The following HIF1A variants were observed in gnomAD, a reference collection of about 807,000 sequenced individuals.
HIF1A encodes the protein hypoxia inducible factor 1 subunit alpha, also known as hypoxia-inducible factor 1-alpha.
In HIF1A, 24 loss-of-function variants were observed where a neutral mutation model predicts 92.7. The ratio of observed to expected loss-of-function variants is 0.26; its 90% confidence interval spans 0.19 to 0.36. The LOEUF (loss-of-function observed/expected upper bound fraction) is 0.36, where lower values mean the gene tolerates loss of function less well. HIF1A is among the 10% of genes least tolerant of loss of function. HIF1A has a pLI of 1.00. For synonymous variants in HIF1A, 319 were observed against 338.7 expected (o/e 0.94, Z 0.64); for missense variants, 799 against 998.5 (o/e 0.80, Z 2.69).
intron 1 of HIF1A, among the ~76,000 whole-genome samples, chr14:61,707,415 C>T (rs2044252067): frequency 6.6e-6 from 1 of 152,120 alleles, no homozygotes; most frequent in East Asian, 1.9e-4. Context: ...AGTAACTCGT[C>T]ATTTAACATT....
rs140911001 is a variant in HIF1A, at chr14:61,720,113, T to C, written c.36-269T>C. Among the ~76,000 whole-genome samples the C allele has an allele frequency of 2.4e-3, 367 of 152,320 alleles. 5 individuals carry two copies. The East Asian group carries it at 0.026, about 11-fold the overall frequency. On this transcript the variant is annotated intron_variant, in intron 1 of 14. Transcript: ENST00000337138. The stretch of plus-strand genomic sequence containing the variant: ...TAAAAACATTCTCTCCAATTACATA[T>C]GCTGGGGAGGAAACACCTGCTTCCG...
chr14:61,735,488 A>G (rs891734614), intron 8 of HIF1A, among the ~76,000 whole-genome samples: 3 of 152,188 alleles, frequency 2.0e-5, no homozygotes, highest in African/African-American at 7.2e-5. Flanking sequence ...TCAGCTTGTT[A>G]GCTTCTCAGT....
intron 7 of HIF1A, among the ~76,000 whole-genome samples, chr14:61,732,809 C>G (rs568582935): frequency 1.3e-5 from 2 of 152,254 alleles, no homozygotes; most frequent in East Asian, 3.9e-4. Context: ...TTTCAGAATT[C>G]ACATAAATAC....
chr14:61,727,742 G>C, intron 6 of HIF1A, 87 bp downstream of exon 6: 1 of 1,002,236 alleles, frequency 1.0e-6, no homozygotes, highest in Non-Finnish European at 1.5e-6. Flanking sequence ...TTCAGCGCTG[G>C]CCATGCATGG....
intron 1 of HIF1A, among the ~76,000 whole-genome samples, chr14:61,700,943 G>C (rs2044170323): frequency 6.6e-6 from 1 of 152,184 alleles, no homozygotes; most frequent in Non-Finnish European, 1.5e-5. Flanking sequence ...TTTGCCAGTG[G>C]AAGCTTTAAC....
intron 12 of HIF1A, among the ~76,000 whole-genome samples, chr14:61,742,885 C>CAAA (rs766112676): frequency 0.016 from 258 of 16,568 alleles, 7 homozygotes; most frequent in African/African-American, 0.029. Context: ...AACTCGGTTT[C>CAAA]AAAAAAAAAA....
chr14:61,736,601 A>G (rs185521064), intron 8 of HIF1A, among the ~76,000 whole-genome samples: 9 of 152,332 alleles, frequency 5.9e-5, no homozygotes, highest in African/African-American at 7.2e-5. Flanking sequence ...TTCCTGGGTT[A>G]TCTCACTTAG....
chr14:61,720,575 G>A lies in HIF1A; in HGVS notation c.226+3G>A. The A allele has an allele frequency of 6.3e-7, 1 of 1,585,204 alleles. No homozygotes were observed. ...TGTGAGGAAACTTCTGGATGCTGGT[G>A]AGTTATTTTACAAGGGTATAAATAG... is the stretch of plus-strand genomic sequence containing the variant. On this transcript the variant is annotated splice_donor_region_variant and intron_variant, in intron 2 of 14. Coordinates refer to ENST00000337138, the MANE Select transcript of HIF1A (RefSeq NM_001530.4).
chr14:61,736,328 A>T (rs1356947304), intron 8 of HIF1A, among the ~76,000 whole-genome samples: 1 of 150,776 alleles, frequency 6.6e-6, no homozygotes, highest in Non-Finnish European at 1.5e-5. Flanking sequence ...TGTACTGGGG[A>T]TTTTTTTTTT....
At position 61,742,885 on chromosome 14, in the gene HIF1A, CAAAAAAAA is replaced by C. The variant is rs766112676; in HGVS notation, c.2093+1712_2093+1719del. On this transcript the variant is annotated intron_variant, in intron 12 of 14. Coordinates refer to ENST00000337138, the MANE Select transcript of HIF1A (RefSeq NM_001530.4). ...GGGCGAGAAGAGTGAAACTCGGTTT[CAAAAAAAA>C]AAAAAAAAAAAAAAGTTGTTGGACT... 1.4e-3 allele frequency among the ~76,000 whole-genome samples: 24 copies of C among 16,598 alleles called. 1 individual carries two copies. Among genetic ancestry groups the C allele is most frequent in the Admixed American group, 0.013 (12 of 920 alleles). The allele number at this position is 16,598 out of a possible 152,430, so 10.9% of individuals were successfully genotyped here. A position where few individuals can be genotyped will look rare whatever the true frequency, so the allele number is the denominator to read the frequency against.
At position 61,695,660 on chromosome 14, in the gene HIF1A, A is replaced by G; in HGVS notation, c.-145A>G. 2.4e-6 allele frequency: 2 copies of G among 820,188 alleles called. No homozygotes were observed. Among genetic ancestry groups the G allele is most frequent in the East Asian group, 2.8e-5 (1 of 35,834 alleles). 50.8% of individuals were successfully genotyped at this position (820,188 alleles called of 1,614,324 possible). A position where few individuals can be genotyped will look rare whatever the true frequency, so the allele number is the denominator to read the frequency against. On this transcript the variant is annotated 5_prime_UTR_variant, in exon 1 of 15. Coordinates refer to ENST00000337138, the MANE Select transcript of HIF1A (RefSeq NM_001530.4). ...CGGCGATTGCCGCCCGCTTCTCTCT[A>G]GTCTCACGAGGGGTTTCCCGCCTCG...
rs1311624737 is a variant in HIF1A at position 61,714,771 on chromosome 14, C to CTGA, written c.36-5611_36-5610insTGA. Among the ~76,000 whole-genome samples, 3 of 152,184 alleles carry CTGA rather than the reference C, an allele frequency of 2.0e-5. No homozygotes were observed. In the East Asian group the frequency reaches 5.8e-4, roughly 29 times the overall value. On this transcript the variant is annotated intron_variant, in intron 1 of 14. Coordinates refer to ENST00000337138, the MANE Select transcript of HIF1A (RefSeq NM_001530.4). ...GGAAGGGCCAGGCGCAGTGGCTCAA[C>CTGA]GCCTGTAATCCGAACACTTTGGGAG...
chr14:61,698,514 A>G (rs1390775999), intron 1 of HIF1A, among the ~76,000 whole-genome samples: 1 of 152,218 alleles, frequency 6.6e-6, no homozygotes, highest in Non-Finnish European at 1.5e-5. Flanking sequence ...GACACTGTGT[A>G]CTTGAAAATA....
intron 6 of HIF1A, 99 bp downstream of exon 6, chr14:61,727,754 G>T: frequency 1.1e-6 from 1 of 879,440 alleles, no homozygotes; most frequent in South Asian, 1.4e-5. Flanking sequence ...CATGCATGGT[G>T]GCTCACACCT....
At chr14:61,725,883 A>C (rs887065599) in intron 4 of HIF1A, among the ~76,000 whole-genome samples, 9 of 151,514 alleles carry the variant, frequency 5.9e-5, no homozygotes, top group African/African-American at 1.9e-4. Flanking sequence ...GCAGTGGCAC[A>C]GTCTCAGCTC....
chr14:61,734,380 T>A, intron 8 of HIF1A, 95 bp downstream of exon 8: 1 of 828,154 alleles, frequency 1.2e-6, no homozygotes, highest in Non-Finnish European at 1.8e-6. Flanking sequence ...TAATAAATAT[T>A]AACTAAATTT....
chr14:61,707,769 G>C (rs542538618), intron 1 of HIF1A, among the ~76,000 whole-genome samples: 1 of 150,682 alleles, frequency 6.6e-6, no homozygotes, highest in African/African-American at 2.4e-5. Context: ...ATAAACATAC[G>C]TGTGCATGTG....
chr14:61,719,947 C>A (rs2044406737), intron 1 of HIF1A, among the ~76,000 whole-genome samples: 1 of 152,198 alleles, frequency 6.6e-6, no homozygotes, highest in African/African-American at 2.4e-5. Context: ...TACCTGCTAA[C>A]AACTCCTGTT....
At chr14:61,721,892 A>G in intron 4 of HIF1A, 69 bp downstream of exon 4, 1 of 1,119,700 alleles carries the variant, frequency 8.9e-7, no homozygotes, top group South Asian at 1.3e-5. Context: ...ATTGCTAATT[A>G]TTAAACTTTG....
Sources: gnomAD v4.1 joint callset for allele counts (sites outside exome capture counted in the v4.1 genomes callset) on GRCh38, gnomAD v4.1.1 for gene constraint, MANE v1.5 for transcripts, NCBI Gene and HGNC (gene_info 2026-07-23, HGNC 2026-07-21) for gene names.